Variants in LEF1 observed in about 807,000 individuals in gnomAD.
The protein encoded by LEF1 is lymphoid enhancer-binding factor 1.
LEF1 carries 14 observed loss-of-function variants against 51.2 expected under a neutral mutation model. That is an observed-to-expected ratio of 0.27 (90% CI 0.18 to 0.43). The LOEUF (loss-of-function observed/expected upper bound fraction) is 0.43, where lower values mean the gene tolerates loss of function less well. Ranked by LOEUF, LEF1 falls within the 20% of genes least tolerant of loss-of-function variation. The pLI, the probability that LEF1 is intolerant of heterozygous loss-of-function variation, is 1.00. For missense variants in LEF1, 386 were observed against 512.0 expected (o/e 0.75, Z 2.37); for synonymous variants, 185 against 183.2 (o/e 1.01, Z -0.08).
intron 3 of LEF1, among the ~76,000 whole-genome samples, chr4:108,140,210 G>C (rs1037789038): frequency 5.3e-5 from 8 of 152,092 alleles, no homozygotes; most frequent in Admixed American, 2.0e-4. Context: ...TTAGAGGGAG[G>C]GGGGAAAAGC....
intron 2 of LEF1, 23 bp from the exon 3 acceptor site, chr4:108,163,724 CAAT>C: frequency 1.2e-6 from 2 of 1,608,312 alleles, no homozygotes; most frequent in South Asian, 2.2e-5. Flanking sequence ...AAAGAACAAT[CAAT>C]GATGCACTGA....
Position 108,163,483 on chromosome 4 carries a change from T to C in LEF1, c.414+85A>G, listed in dbSNP as rs1745189756. The C allele has an allele frequency of 5.6e-6, 8 of 1,429,174 alleles. No homozygotes were observed. In the East Asian group the frequency reaches 9.2e-5, roughly 16 times the overall value. The allele number at this position is 1,429,174 out of a possible 1,614,324, so 88.5% of individuals were successfully genotyped here. Reference sequence around the variant, plus strand: ...TTATATATAATGAAAGCATTACCAATGAGTTTGGAAAAATAAACATTCTGC... The same window carrying C: ...TTATATATAATGAAAGCATTACCAACGAGTTTGGAAAAATAAACATTCTGC... On this transcript the variant is annotated intron_variant, in intron 3 of 11. Transcript: ENST00000265165.
At chr4:108,116,015 G>A (rs1475667387) in intron 3 of LEF1, among the ~76,000 whole-genome samples, 1 of 152,146 alleles carries the variant, frequency 6.6e-6, no homozygotes, top group Non-Finnish European at 1.5e-5. Context: ...GACAATGACA[G>A]AAGGAAAATA....
At chr4:108,082,398 C>A (rs1419750205) in intron 5 of LEF1, among the ~76,000 whole-genome samples, 1 of 152,006 alleles carries the variant, frequency 6.6e-6, no homozygotes, top group Non-Finnish European at 1.5e-5. Flanking sequence ...CAGTTACTGA[C>A]TAAGAGATGT....
intron 3 of LEF1, among the ~76,000 whole-genome samples, chr4:108,153,989 G>A (rs910914011): frequency 6.6e-6 from 1 of 152,096 alleles, no homozygotes; most frequent in African/African-American, 2.4e-5. Flanking sequence ...AGTCTAAAAG[G>A]CCACACAGAA....
chr4:108,143,598 C>T (rs1036663600), intron 3 of LEF1, among the ~76,000 whole-genome samples: 2 of 152,180 alleles, frequency 1.3e-5, no homozygotes, highest in African/African-American at 4.8e-5. Context: ...TCACTGGAAG[C>T]ATCCCAGGCT....
chr4:108,167,435 A>G lies in LEF1; in HGVS notation c.213+120T>C, dbSNP rs1000016381. The G allele has an allele frequency of 3.3e-6, 3 of 911,844 alleles. No homozygotes were observed. Among genetic ancestry groups the G allele is most frequent in the Admixed American group, 2.1e-5 (1 of 47,046 alleles). The allele number at this position is 911,844 out of a possible 1,614,324, so 56.5% of individuals were successfully genotyped here. A position where few individuals can be genotyped will look rare whatever the true frequency, so the allele number is the denominator to read the frequency against. The stretch of plus-strand genomic sequence containing the variant: ...CCAGCTACGCACACACCCCAAAACA[A>G]ACGAGGGATCTACTCGGGACCCTCA... On this transcript the variant is annotated intron_variant, in intron 1 of 11. Transcript: ENST00000265165. This position sits in a 1 kb window ranked among gnomAD's most constrained non-coding sequence, Gnocchi z 5.7.
At chr4:108,068,714 A>T (rs1444115145) in intron 9 of LEF1, among the ~76,000 whole-genome samples, 1 of 152,204 alleles carries the variant, frequency 6.6e-6, no homozygotes, top group Non-Finnish European at 1.5e-5. Flanking sequence ...ATAGGAAATA[A>T]ATTGTGCAAC....
chr4:108,143,403 T>A (rs966133480), intron 3 of LEF1, among the ~76,000 whole-genome samples: 1 of 152,228 alleles, frequency 6.6e-6, no homozygotes, highest in Admixed American at 6.5e-5. Flanking sequence ...ATTTTACCAT[T>A]TTCGGAAAAT....
chr4:108,067,258 C>G (rs1397502453), intron 9 of LEF1, among the ~76,000 whole-genome samples: 1 of 152,158 alleles, frequency 6.6e-6, no homozygotes, highest in African/African-American at 2.4e-5. Flanking sequence ...ATTACAGTAG[C>G]TTTCTTTAAA....
intron 3 of LEF1, among the ~76,000 whole-genome samples, chr4:108,089,839 C>T (rs556471092): frequency 2.0e-5 from 3 of 152,092 alleles, no homozygotes; most frequent in Non-Finnish European, 2.9e-5. Flanking sequence ...ACCATTCTTT[C>T]GAGTTTTATA....
intron 3 of LEF1, among the ~76,000 whole-genome samples, chr4:108,132,732 A>G (rs1280466841): frequency 7.8e-6 from 1 of 127,466 alleles, no homozygotes; most frequent in Non-Finnish European, 1.6e-5. Flanking sequence ...CAATGGCACA[A>G]TCTCAGCTCA....
intron 3 of LEF1, among the ~76,000 whole-genome samples, chr4:108,131,458 T>C (rs1470789197): frequency 6.6e-6 from 1 of 151,788 alleles, no homozygotes; most frequent in East Asian, 1.9e-4. Flanking sequence ...TACACAGCTA[T>C]GCAAAAGACC....
intron 11 of LEF1, among the ~76,000 whole-genome samples, chr4:108,063,025 G>A (rs916077089): frequency 1.3e-5 from 2 of 152,008 alleles, no homozygotes; most frequent in East Asian, 1.9e-4. Context: ...ATAAATACTA[G>A]AGCAAAATCT....
intron 3 of LEF1, among the ~76,000 whole-genome samples, chr4:108,152,875 C>T (rs1744439942): frequency 6.6e-6 from 1 of 152,210 alleles, no homozygotes; most frequent in Admixed American, 6.5e-5. Context: ...AGTGTGAACA[C>T]ACATCTAGTC....
At chr4:108,133,703 G>A (rs1478139495) in intron 3 of LEF1, among the ~76,000 whole-genome samples, 1 of 152,198 alleles carries the variant, frequency 6.6e-6, no homozygotes, top group Non-Finnish European at 1.5e-5. Flanking sequence ...TAAATGCGGG[G>A]TTGGGACGGA....
intron 3 of LEF1, among the ~76,000 whole-genome samples, chr4:108,104,089 A>G (rs1740990965): frequency 6.6e-6 from 1 of 152,246 alleles, no homozygotes; most frequent in Non-Finnish European, 1.5e-5. Flanking sequence ...AGAAGAAAGT[A>G]CTGACATTCA....
intron 3 of LEF1, among the ~76,000 whole-genome samples, chr4:108,099,871 G>A (rs140645515): frequency 6.6e-6 from 1 of 151,940 alleles, no homozygotes; most frequent in African/African-American, 2.4e-5. Context: ...TAAATTGTGT[G>A]TCTTGAAGCA....
chr4:108,063,806 A>G (rs993326925), intron 10 of LEF1, 143 bp from the exon 11 acceptor site: 2 of 571,528 alleles, frequency 3.5e-6, no homozygotes, highest in African/African-American at 3.9e-5. Flanking sequence ...GTGCAGTACA[A>G]GTAGTGGCCT....
Sources: gnomAD v4.1 joint callset for allele counts (sites outside exome capture counted in the v4.1 genomes callset) on GRCh38, gnomAD v4.1.1 for gene constraint, Gnocchi (gnomAD v3.1) non-coding constraint, MANE v1.5 for transcripts, NCBI Gene and HGNC (gene_info 2026-07-23, HGNC 2026-07-21) for gene names.